HTR1F: variants seen among roughly 807,000 people sequenced by gnomAD.
HTR1F encodes the protein 5-hydroxytryptamine (serotonin) receptor 1F, G protein-coupled.
Under a neutral mutation model 24.0 loss-of-function variants are expected in HTR1F, and 17 were observed. That is an observed-to-expected ratio of 0.71 (90% CI 0.48 to 1.06). The LOEUF is 1.06. HTR1F is among the 50% of genes least tolerant of loss of function. The pLI, the probability that HTR1F is intolerant of heterozygous loss-of-function variation, is 0.00. For synonymous variants in HTR1F, 186 were observed against 156.8 expected (o/e 1.19, Z -1.39); for missense variants, 391 against 427.8 (o/e 0.91, Z 0.76).
intron 1 of HTR1F, among the ~76,000 whole-genome samples, chr3:87,801,560 G>A (rs1703989832): frequency 6.6e-6 from 1 of 152,186 alleles, no homozygotes; most frequent in Non-Finnish European, 1.5e-5. Context: ...GGTCTGGAAA[G>A]GTGGGGCATC....
chr3:87,922,237 T>C (rs1326037162), intron 2 of HTR1F, among the ~76,000 whole-genome samples: 3 of 152,036 alleles, frequency 2.0e-5, no homozygotes, highest in African/African-American at 7.2e-5. Flanking sequence ...GATGAAATGA[T>C]ATGTCATTTT....
At chr3:87,858,548 C>T (rs763249621) in intron 2 of HTR1F, among the ~76,000 whole-genome samples, 3 of 152,082 alleles carry the variant, frequency 2.0e-5, no homozygotes, top group Non-Finnish European at 4.4e-5. Context: ...GAATCAGTAC[C>T]TATATTTTGG....
At chr3:87,986,426 T>A (rs1409005762) in intron 2 of HTR1F, among the ~76,000 whole-genome samples, 1 of 152,226 alleles carries the variant, frequency 6.6e-6, no homozygotes, top group Non-Finnish European at 1.5e-5. Context: ...ATATAAGTTA[T>A]GTGACAGATA....
intron 2 of HTR1F, among the ~76,000 whole-genome samples, chr3:87,905,174 G>T (rs1277594109): frequency 6.6e-6 from 1 of 151,854 alleles, no homozygotes. Flanking sequence ...GTTGAGTTTG[G>T]TGGTATATGT....
intron 2 of HTR1F, among the ~76,000 whole-genome samples, chr3:87,873,631 T>C (rs574716602): frequency 6.6e-6 from 1 of 152,268 alleles, no homozygotes; most frequent in African/African-American, 2.4e-5. Context: ...CACAGTCACA[T>C]TGACATATAT....
At chr3:87,968,977 G>A (rs549940041) in intron 2 of HTR1F, among the ~76,000 whole-genome samples, 2 of 152,350 alleles carry the variant, frequency 1.3e-5, no homozygotes, top group African/African-American at 2.4e-5. Flanking sequence ...GGATTCAGAT[G>A]GTGCAAGCAC....
intron 2 of HTR1F, among the ~76,000 whole-genome samples, chr3:87,906,080 C>T (rs1331984720): frequency 1.3e-5 from 2 of 152,028 alleles, no homozygotes; most frequent in East Asian, 3.9e-4. Flanking sequence ...CATTATTTTA[C>T]AGTAAAAAGA....
At chr3:87,895,267 A>G (rs1297297676) in intron 2 of HTR1F, among the ~76,000 whole-genome samples, 1 of 152,182 alleles carries the variant, frequency 6.6e-6, no homozygotes, top group Non-Finnish European at 1.5e-5. Context: ...GTATATATAC[A>G]CTTTATACAG....
At chr3:87,971,758 T>C (rs187740866) in intron 2 of HTR1F, among the ~76,000 whole-genome samples, 121 of 152,316 alleles carry the variant, frequency 7.9e-4, no homozygotes, top group Non-Finnish European at 1.4e-3. Context: ...ACATAAATAG[T>C]AACCTGCCAT....
intron 2 of HTR1F, among the ~76,000 whole-genome samples, chr3:87,924,221 TA>T (rs1704074275): frequency 6.6e-6 from 1 of 152,100 alleles, no homozygotes; most frequent in Non-Finnish European, 1.5e-5. Flanking sequence ...TCAGTGATGG[TA>T]AAATTGTATG....
chr3:87,848,399 G>C (rs1240550958), intron 2 of HTR1F, among the ~76,000 whole-genome samples: 6 of 151,502 alleles, frequency 4.0e-5, no homozygotes, highest in Non-Finnish European at 4.4e-5. Flanking sequence ...GGAATTCCTT[G>C]TACATTTTGG....
Position 87,917,472 on chromosome 3 carries a change from T to C in HTR1F, c.-42-73236T>C, listed in dbSNP as rs533269682. Among the ~76,000 whole-genome samples, 4 of 150,276 alleles carry C rather than the reference T, an allele frequency of 2.7e-5. No individual in the cohort carries two copies. The South Asian group carries it at 8.4e-4, about 31-fold the overall frequency. Reference sequence around the variant, plus strand: ...AAAATTGATAGATTGTTAGCAAGACTAACCAAGAAAAGAAGAGAGAAAATC... The same window carrying C: ...AAAATTGATAGATTGTTAGCAAGACCAACCAAGAAAAGAAGAGAGAAAATC... On this transcript the variant is annotated intron_variant, in intron 2 of 2. Coordinates refer to ENST00000319595, the MANE Select transcript of HTR1F (RefSeq NM_001322209.2).
intron 2 of HTR1F, among the ~76,000 whole-genome samples, chr3:87,974,970 T>G (rs1308168148): frequency 1.3e-5 from 2 of 152,182 alleles, no homozygotes; most frequent in African/African-American, 4.8e-5. Context: ...CTAGGGAATA[T>G]ATAAATCCAT....
At chr3:87,852,465 T>C (rs1033485768) in intron 2 of HTR1F, among the ~76,000 whole-genome samples, 2 of 151,826 alleles carry the variant, frequency 1.3e-5, no homozygotes, top group Non-Finnish European at 2.9e-5. Context: ...AACTTAGTTT[T>C]ATCCTGAAAT....
chr3:87,910,884 A>T (rs1222407573), intron 2 of HTR1F, among the ~76,000 whole-genome samples: 1 of 152,114 alleles, frequency 6.6e-6, no homozygotes, highest in Non-Finnish European at 1.5e-5. Context: ...TGAGTAAATA[A>T]TGAGATTAAG....
chr3:87,894,771 G>T (rs1399732407), intron 2 of HTR1F, among the ~76,000 whole-genome samples: 4 of 151,822 alleles, frequency 2.6e-5, no homozygotes, highest in Non-Finnish European at 1.5e-5. Flanking sequence ...CTGTAAAATG[G>T]GGATAAAATA....
At chr3:87,970,613 T>A (rs1705265201) in intron 2 of HTR1F, among the ~76,000 whole-genome samples, 1 of 152,248 alleles carries the variant, frequency 6.6e-6, no homozygotes, top group Non-Finnish European at 1.5e-5. Flanking sequence ...GCAGAATTTC[T>A]GTGATCAATT....
rs115048711 is a variant in HTR1F, at chr3:87,984,677, G to A, written c.-42-6031G>A. ...GGGTTTCACCATGTTAGTCAAGCTG[G>A]TTGCAAACTCCTGACTTCAGGCCAC... On this transcript the variant is annotated intron_variant, in intron 2 of 2. Coordinates refer to ENST00000319595, the MANE Select transcript of HTR1F (RefSeq NM_001322209.2). Among the ~76,000 whole-genome samples, 1,095 of 152,052 alleles carry A rather than the reference G, an allele frequency of 7.2e-3. 16 individuals carry two copies. Among genetic ancestry groups the A allele is most frequent in the African/African-American group, 0.025 (1,024 of 41,466 alleles).
intron 1 of HTR1F, among the ~76,000 whole-genome samples, chr3:87,820,830 CTTAT>C (rs1383145194): frequency 2.6e-5 from 4 of 151,928 alleles, no homozygotes; most frequent in Admixed American, 6.6e-5. Flanking sequence ...CATTTATAAC[CTTAT>C]TTATGTTTTG....
Sources: allele counts gnomAD v4.1 joint callset (sites outside exome capture counted in the v4.1 genomes callset), GRCh38; gene constraint gnomAD v4.1.1; transcripts MANE v1.5; gene names NCBI Gene and HGNC (gene_info 2026-07-23, HGNC 2026-07-21).